BCAT1: variants seen among roughly 807,000 people sequenced by gnomAD.
The protein encoded by BCAT1 is branched chain amino acid transaminase 1, also known as branched-chain-amino-acid aminotransferase, cytosolic.
In BCAT1, 48 loss-of-function variants were observed where a neutral mutation model predicts 52.4. The observed-to-expected ratio is 0.92, with a 90% confidence interval of 0.73 to 1.16. BCAT1 has a LOEUF of 1.16. BCAT1 is among the 50% of genes most tolerant of loss of function. BCAT1 has a pLI of 0.00. For synonymous variants in BCAT1, 167 were observed against 161.3 expected, an observed-to-expected ratio of 1.04 and a Z score of -0.27; for missense variants, 451 against 457.1, an observed-to-expected ratio of 0.99 and a Z score of 0.12.
At chr12:24,912,072 G>A (rs1211192011) in intron 1 of BCAT1, among the ~76,000 whole-genome samples, 2 of 151,974 alleles carry the variant, frequency 1.3e-5, no homozygotes, top group East Asian at 3.9e-4. Flanking sequence ...CCTATGCTGA[G>A]GAAATTAATA....
intron 5 of BCAT1, among the ~76,000 whole-genome samples, chr12:24,876,277 A>AAG (rs1032697770): frequency 6.7e-6 from 1 of 149,674 alleles, no homozygotes; most frequent in African/African-American, 2.4e-5. Context: ...AAAAAAAAAA[A>AAG]AGAAAGAAAA....
chr12:24,880,577 G>C (rs1942464096), intron 4 of BCAT1, among the ~76,000 whole-genome samples: 1 of 152,080 alleles, frequency 6.6e-6, no homozygotes, highest in African/African-American at 2.4e-5. Flanking sequence ...CATTACTTAA[G>C]ATAAAATATC....
intron 3 of BCAT1, among the ~76,000 whole-genome samples, chr12:24,887,080 A>AATATATATATATATATATAT (rs71063368): frequency 1.7e-4 from 7 of 40,748 alleles, no homozygotes; most frequent in African/African-American, 2.3e-4. Flanking sequence ...AAAAAAAAAA[A>AATATATATATATATATATAT]ATATATATAT....
At chr12:24,899,533 G>C (rs1591855418) in intron 2 of BCAT1, among the ~76,000 whole-genome samples, 1 of 152,028 alleles carries the variant, frequency 6.6e-6, no homozygotes, top group African/African-American at 2.4e-5. Context: ...CTACTACTGG[G>C]TATTTTCCAA....
chr12:24,888,409 G>A (rs1365206809), intron 3 of BCAT1, among the ~76,000 whole-genome samples: 1 of 152,180 alleles, frequency 6.6e-6, no homozygotes, highest in African/African-American at 2.4e-5. Context: ...TGAGGGAGGA[G>A]AATCTGTTGA....
At chr12:24,863,410 C>T (rs1941907359) in intron 5 of BCAT1, among the ~76,000 whole-genome samples, 1 of 152,188 alleles carries the variant, frequency 6.6e-6, no homozygotes, top group African/African-American at 2.4e-5. Flanking sequence ...ATAAAAATGA[C>T]TGTAAACATG....
intron 1 of BCAT1, among the ~76,000 whole-genome samples, chr12:24,945,215 A>G (rs1210297073): frequency 6.6e-6 from 1 of 152,228 alleles, no homozygotes; most frequent in Non-Finnish European, 1.5e-5. Context: ...TGACATTGTG[A>G]GTCACTGACA....
rs538586264 is a variant in BCAT1 at position 24,870,159 on chromosome 12, T to C, written c.510+8371A>G. Among the ~76,000 whole-genome samples, 6 of 152,280 alleles carry C rather than the reference T, an allele frequency of 3.9e-5. No homozygotes were observed. In the East Asian group the frequency reaches 1.2e-3, roughly 29 times the overall value. On this transcript the variant is annotated intron_variant, in intron 5 of 10. Transcript: ENST00000261192. ...ATCTATTGTATACCTTTGGTTCTAC[T>C]TGAATTTTTTACCAGATAATTTCTC...
chr12:24,891,687 T>C (rs779453788), intron 3 of BCAT1, among the ~76,000 whole-genome samples: 44 of 151,946 alleles, frequency 2.9e-4, no homozygotes, highest in Non-Finnish European at 5.4e-4. Context: ...ATTACAAAAA[T>C]CTAAATTGGC....
rs370909096 is a variant in BCAT1, at chr12:24,932,590, T to G, written c.6+16337A>C. 4.3e-4 allele frequency among the ~76,000 whole-genome samples: 65 copies of G among 152,362 alleles called. 1 individual carries two copies. The highest frequency in any genetic ancestry group is 1.5e-3 in the African/African-American group (63 of 41,572). On this transcript the variant is annotated intron_variant, in intron 1 of 10. Transcript: ENST00000261192. The stretch of plus-strand genomic sequence containing the variant: ...AATATTAGTTAATACTTACAGTACT[T>G]ACATAGTACTTATTTCAGACCAGAC...
chr12:24,822,225 G>T (rs942366566), intron 10 of BCAT1, among the ~76,000 whole-genome samples: 2 of 152,222 alleles, frequency 1.3e-5, no homozygotes, highest in African/African-American at 2.4e-5. Flanking sequence ...CTCTTAGGAG[G>T]TATTTATAGA....
chr12:24,894,242 G>A lies in BCAT1; in HGVS notation c.279+33C>T, dbSNP rs373820814. On this transcript the variant is annotated intron_variant, in intron 3 of 10. Coordinates refer to ENST00000261192, the MANE Select transcript of BCAT1 (RefSeq NM_005504.7). ...ACTTAGTACCCACAGTGAAGTGCAA[G>A]CATGTCACTCTCTTTAATTCCCATG... 159 of 1,598,834 alleles carry A rather than the reference G, an allele frequency of 9.9e-5. 3 individuals carry two copies. In the South Asian group the frequency reaches 1.6e-3, roughly 16 times the overall value.
rs1939737790 is a variant in BCAT1 at position 24,812,929 on chromosome 12, T to C, written c.*5079A>G. ...ACTGAACATCATGCAACTCAAGTTA[T>C]ACGTCTTGTTGATTGGGTCTATTGT... On this transcript the variant is annotated 3_prime_UTR_variant, in exon 11 of 11. Transcript: ENST00000261192. The C allele has an allele frequency of 6.6e-6, 1 of 152,008 alleles. No individual in the cohort carries two copies. Among genetic ancestry groups the C allele is most frequent in the Non-Finnish European group, 1.5e-5 (1 of 67,880 alleles). 9.4% of individuals were successfully genotyped at this position (152,008 alleles called of 1,614,324 possible).
intron 3 of BCAT1, among the ~76,000 whole-genome samples, chr12:24,886,779 T>C (rs563341844): frequency 1.3e-5 from 2 of 149,792 alleles, no homozygotes; most frequent in African/African-American, 2.5e-5. Context: ...AGAGGATCTA[T>C]TGAGGCCAGG....
intron 8 of BCAT1, among the ~76,000 whole-genome samples, chr12:24,833,266 C>G (rs905735496): frequency 6.6e-6 from 1 of 152,176 alleles, no homozygotes; most frequent in Non-Finnish European, 1.5e-5. Context: ...TGCCTGTAAT[C>G]TCTGCATTTG....
In BCAT1 at chr12:24,894,456, G is replaced by A; in HGVS notation, c.98C>T (p.Thr33Ile). ...GTFKAKDLIV[T>I]PATILKEKPD... is the part of the protein sequence containing the mutation. ...TTTTTCCTTTAAAATGGTAGCTGGT[G>A]TGACTATTAGGTCTTTAGCCTGGGG... The change falls in exon 3 of 11, where the codon ACA becomes ATA. Residue 33 changes from threonine to isoleucine, a missense_variant. Transcript: ENST00000261192. The A allele has an allele frequency of 6.3e-7, 1 of 1,594,434 alleles. No homozygotes were observed. Among genetic ancestry groups the A allele is most frequent in the Non-Finnish European group, 8.6e-7 (1 of 1,169,460 alleles).
intron 6 of BCAT1, among the ~76,000 whole-genome samples, chr12:24,846,956 A>G (rs974938365): frequency 6.6e-6 from 1 of 152,208 alleles, no homozygotes; most frequent in African/African-American, 2.4e-5. Flanking sequence ...GTTGTAGAAG[A>G]TCTCACAGAT....
At chr12:24,902,979 G>A in intron 1 of BCAT1, 1 of 1,491,132 alleles carries the variant, frequency 6.7e-7, no homozygotes. Flanking sequence ...GAGCGAAGCG[G>A]GCTGGCCATG....
intron 3 of BCAT1, among the ~76,000 whole-genome samples, chr12:24,893,138 C>T (rs901315999): frequency 6.6e-6 from 1 of 152,136 alleles, no homozygotes; most frequent in Non-Finnish European, 1.5e-5. Flanking sequence ...AGAAGCTTCT[C>T]ATTGGAACCT....
Sources: allele counts gnomAD v4.1 joint callset (sites outside exome capture counted in the v4.1 genomes callset), GRCh38; gene constraint gnomAD v4.1.1; transcripts MANE v1.5; gene names NCBI Gene and HGNC (gene_info 2026-07-23, HGNC 2026-07-21).